ZC3H14: variants seen among roughly 807,000 people sequenced by gnomAD.
ZC3H14 encodes the protein zinc finger CCCH domain-containing protein 14.
In ZC3H14, 31 loss-of-function variants were observed where a neutral mutation model predicts 92.4. That is an observed-to-expected ratio of 0.34 (90% CI 0.25 to 0.45). The LOEUF (loss-of-function observed/expected upper bound fraction) is 0.45, where lower values mean the gene tolerates loss of function less well. Among genes scored for constraint, ZC3H14 ranks in the 20% least tolerant of loss-of-function variants. ZC3H14 has a pLI of 1.00. For synonymous variants in ZC3H14, 321 were observed against 300.9 expected (o/e 1.07, Z -0.69); for missense variants, 781 against 897.3 (o/e 0.87, Z 1.66).
intron 9 of ZC3H14, among the ~76,000 whole-genome samples, chr14:88,595,824 A>G (rs1428842527): frequency 6.6e-6 from 1 of 152,232 alleles, no homozygotes; most frequent in African/African-American, 2.4e-5. Context: ...GATATACCCA[A>G]AATCAGCATG....
chr14:88,593,958 A>C (rs1177365793), intron 9 of ZC3H14, among the ~76,000 whole-genome samples: 1 of 152,110 alleles, frequency 6.6e-6, no homozygotes, highest in Non-Finnish European at 1.5e-5. Flanking sequence ...ATAATGGTCT[A>C]GTATTAAGCC....
At chr14:88,609,865 TC>T (rs1174533071) in intron 15 of ZC3H14, 62 bp downstream of exon 15, 37 of 1,548,188 alleles carry the variant, frequency 2.4e-5, no homozygotes, top group Non-Finnish European at 3.1e-5. Flanking sequence ...TCATTTAACT[TC>T]TTTTTTGTCA....
chr14:88,605,165 C>T (rs558352662), intron 12 of ZC3H14, among the ~76,000 whole-genome samples: 1 of 152,090 alleles, frequency 6.6e-6, no homozygotes, highest in African/African-American at 2.4e-5. Flanking sequence ...GTACTGGGTT[C>T]TTGTGTATAT....
At chr14:88,570,989 T>C in intron 3 of ZC3H14, 95 bp from the exon 4 acceptor site, 1 of 988,990 alleles carries the variant, frequency 1.0e-6, no homozygotes, top group African/African-American at 1.7e-5. Flanking sequence ...TTTAAAAAAT[T>C]ATCTCTGAAT....
Position 88,625,253 on chromosome 14 carries a change from G to T in ZC3H14, c.*13502G>T. The stretch of plus-strand genomic sequence containing the variant: ...TACAAAGAGCATGCATCGTGTAGTG[G>T]CAGCAGCACTGAATTCACGAGTCAG... On this transcript the variant is annotated 3_prime_UTR_variant, in exon 17 of 17. Coordinates refer to ENST00000251038, the MANE Select transcript of ZC3H14 (RefSeq NM_024824.5). 9.0e-7 allele frequency: 1 copy of T among 1,108,008 alleles called. No homozygotes were observed. Among genetic ancestry groups the T allele is most frequent in the African/African-American group, 1.6e-5 (1 of 63,036 alleles). 68.6% of individuals were successfully genotyped at this position (1,108,008 alleles called of 1,614,324 possible). A position where few individuals can be genotyped will look rare whatever the true frequency, so the allele number is the denominator to read the frequency against.
chr14:88,624,897 C>T lies in ZC3H14; in HGVS notation c.*13146C>T. 6.5e-7 allele frequency: 1 copy of T among 1,547,712 alleles called. No homozygotes were observed. The highest frequency in any genetic ancestry group is 8.8e-7 in the Non-Finnish European group (1 of 1,142,262). Reference sequence around the variant, plus strand: ...GACACTCTGTGTAGCCTAGAAACAACTAGAATAATTAACTGCAAACCTCAG... The same window carrying T: ...GACACTCTGTGTAGCCTAGAAACAATTAGAATAATTAACTGCAAACCTCAG... On this transcript the variant is annotated 3_prime_UTR_variant, in exon 17 of 17. Coordinates refer to ENST00000251038, the MANE Select transcript of ZC3H14 (RefSeq NM_024824.5).
At chr14:88,599,525 A>G (rs1052729282) in intron 10 of ZC3H14, among the ~76,000 whole-genome samples, 6 of 152,168 alleles carry the variant, frequency 3.9e-5, no homozygotes, top group Non-Finnish European at 8.8e-5. Flanking sequence ...TTCCGCTTGC[A>G]GAGAGGTGTG....
chr14:88,573,031 G>T, intron 6 of ZC3H14, 24 bp downstream of exon 6: 1 of 1,612,454 alleles, frequency 6.2e-7, no homozygotes, highest in South Asian at 1.1e-5. Flanking sequence ...TTTAAATTCT[G>T]GCTTAGGCTA....
intron 9 of ZC3H14, among the ~76,000 whole-genome samples, chr14:88,596,328 A>T (rs1179003739): frequency 6.6e-6 from 1 of 152,114 alleles, no homozygotes; most frequent in African/African-American, 2.4e-5. Context: ...GTCATGAGTG[A>T]GTCGTGATGG....
Position 88,612,690 on chromosome 14 carries a change from T to C in ZC3H14, c.*939T>C, listed in dbSNP as rs149251333. 1,678 of 152,718 alleles carry C rather than the reference T, an allele frequency of 0.011. 16 individuals are homozygous for C. The highest frequency in any genetic ancestry group is 0.015 in the Non-Finnish European group (1,010 of 68,020). 9.5% of individuals were successfully genotyped at this position (152,718 alleles called of 1,614,324 possible). A position where few individuals can be genotyped will look rare whatever the true frequency, so the allele number is the denominator to read the frequency against. On this transcript the variant is annotated 3_prime_UTR_variant, in exon 17 of 17. Transcript: ENST00000251038. ...TAAAAATTAGATTTAAATAGTATATTTTAAATGACAGAACTATAATTACAG... is the reference window on the plus strand; with the variant it reads ...TAAAAATTAGATTTAAATAGTATATCTTAAATGACAGAACTATAATTACAG...
At chr14:88,563,469 G>C (rs2079135587) in intron 1 of ZC3H14, 182 bp from the exon 2 acceptor site, 2 of 1,465,116 alleles carry the variant, frequency 1.4e-6, no homozygotes, top group Non-Finnish European at 1.8e-6. Context: ...GGCGCCGCGG[G>C]GCTGGGGCTG....
chr14:88,576,555 A>G (rs1397485515), intron 8 of ZC3H14, among the ~76,000 whole-genome samples: 2 of 152,216 alleles, frequency 1.3e-5, no homozygotes, highest in African/African-American at 4.8e-5. Context: ...CTGAAATGCA[A>G]ACAACTGATG....
intron 9 of ZC3H14, among the ~76,000 whole-genome samples, chr14:88,584,739 A>G (rs2082280979): frequency 6.6e-6 from 1 of 152,180 alleles, no homozygotes; most frequent in Non-Finnish European, 1.5e-5. Context: ...CATATTTTTC[A>G]TCATGTTTAG....
Position 88,572,131 on chromosome 14 carries a change from G to A in ZC3H14, c.337G>A (p.Ala113Thr). The A allele has an allele frequency of 6.2e-7, 1 of 1,614,184 alleles. No individual in the cohort carries two copies. Among genetic ancestry groups the A allele is most frequent in the South Asian group, 1.1e-5 (1 of 91,082 alleles). The change falls in exon 5 of 17, where the codon GCA becomes ACA. Residue 113 changes from alanine to threonine, a missense_variant. Transcript: ENST00000251038. ...GGGAGATGAGAGGAGGCATGAAGCT[G>A]CAGTGCCACCACTTGCCATTCCTAG... is the stretch of plus-strand genomic sequence containing the variant. ...SRGDERRHEAAVPPLAIPSAR... is the reference protein window; with the variant it reads ...SRGDERRHEATVPPLAIPSAR...
At chr14:88,594,421 T>A in intron 9 of ZC3H14, 1 of 1,182,652 alleles carries the variant, frequency 8.5e-7, no homozygotes, top group Non-Finnish European at 1.1e-6. Context: ...AGAGGAGCTA[T>A]ACAGATGGTA....
In ZC3H14 at chr14:88,616,785, C is replaced by T. The variant is rs1346641719; in HGVS notation, c.*5034C>T. 6.2e-7 allele frequency: 1 copy of T among 1,613,850 alleles called. No homozygotes were observed. Among genetic ancestry groups the T allele is most frequent in the Non-Finnish European group, 8.5e-7 (1 of 1,179,872 alleles). ...ACCATGCCAAAGTCATCTCCTGTAA[C>T]AAGACTGATTCCTGAATGAGATACA... On this transcript the variant is annotated 3_prime_UTR_variant, in exon 17 of 17. Coordinates refer to ENST00000251038, the MANE Select transcript of ZC3H14 (RefSeq NM_024824.5).
chr14:88,567,691 C>CA (rs1215318908), intron 2 of ZC3H14, among the ~76,000 whole-genome samples: 3 of 152,118 alleles, frequency 2.0e-5, no homozygotes, highest in African/African-American at 4.8e-5. Flanking sequence ...AAACAAAACT[C>CA]AATTCTTTTT....
intron 5 of ZC3H14, 145 bp from the exon 6 acceptor site, chr14:88,572,433 G>A (rs2080554037): frequency 4.4e-6 from 5 of 1,143,196 alleles, no homozygotes; most frequent in Non-Finnish European, 5.0e-6. Flanking sequence ...GAAAGAAAGT[G>A]CAATTTCAAA....
intron 1 of ZC3H14, 126 bp from the exon 2 acceptor site, chr14:88,563,525 C>T (rs2079152308): frequency 5.7e-6 from 9 of 1,575,744 alleles, no homozygotes; most frequent in Middle Eastern, 2.0e-4. Context: ...GGCGAGGCTC[C>T]TCCCAGCCCC....
Sources: allele counts gnomAD v4.1 joint callset (sites outside exome capture counted in the v4.1 genomes callset), GRCh38; gene constraint gnomAD v4.1.1; transcripts MANE v1.5; gene names NCBI Gene and HGNC (gene_info 2026-07-23, HGNC 2026-07-21).